HNF1A: variants seen among roughly 807,000 people sequenced by gnomAD.
HNF1A encodes the protein hepatocyte nuclear factor 1-alpha.
HNF1A carries 21 observed loss-of-function variants against 62.2 expected under a neutral mutation model. The observed-to-expected ratio is 0.34, with a 90% confidence interval of 0.24 to 0.49. The LOEUF (loss-of-function observed/expected upper bound fraction) is 0.49. Ranked by LOEUF, HNF1A falls within the 20% of genes least tolerant of loss-of-function variation. The pLI is 0.99. For synonymous variants in HNF1A, 374 were observed against 366.8 expected (o/e 1.02, Z -0.22); for missense variants, 687 against 832.3 (o/e 0.83, Z 2.15).
rs1593060890 is a variant in HNF1A at position 120,996,568 on chromosome 12, CCT to C, written c.1136_1137del (p.Pro379ArgfsTer39). On this transcript the variant is annotated frameshift_variant, in exon 6 of 10. Transcript: ENST00000257555. LOFTEE classifies it high-confidence loss of function. This position sits in a 1 kb window ranked among gnomAD's most constrained non-coding sequence, Gnocchi z 4.5. ...CTCAGCAGCTGGGGGCCCCCTCCCC[CCT>C]GTCAGCACCCTGACAGCACTGCACA... is the stretch of plus-strand genomic sequence containing the variant. ...LVSAAGGPLP[P>X]VSTLTALHSL... 6.2e-7 allele frequency: 1 copy of C among 1,613,928 alleles called. No homozygotes were observed. The highest frequency in any genetic ancestry group is 8.5e-7 in the Non-Finnish European group (1 of 1,179,960).
intron 9 of HNF1A, 58 bp downstream of exon 9, chr12:120,999,685 C>A (rs1440753776): frequency 6.4e-7 from 1 of 1,564,540 alleles, no homozygotes; most frequent in Admixed American, 1.7e-5. Context: ...CCATGTTGGT[C>A]CCACCCCTTC....
At chr12:120,988,234 C>T (rs910444587) in intron 1 of HNF1A, among the ~76,000 whole-genome samples, 1 of 116,224 alleles carries the variant, frequency 8.6e-6, no homozygotes, top group African/African-American at 3.2e-5. Flanking sequence ...TCCATTCATC[C>T]AACCATCCAT....
chr12:120,981,763 T>G (rs1292147759), intron 1 of HNF1A, among the ~76,000 whole-genome samples: 3 of 152,238 alleles, frequency 2.0e-5, no homozygotes, highest in Admixed American at 2.0e-4. Context: ...CTGTCAAGAC[T>G]TGTGATCATC....
chr12:120,987,009 T>C (rs1876543869), intron 1 of HNF1A, among the ~76,000 whole-genome samples: 1 of 152,072 alleles, frequency 6.6e-6, no homozygotes. Context: ...ATCCCTTCTG[T>C]TCCCCCACAG....
intron 1 of HNF1A, among the ~76,000 whole-genome samples, chr12:120,988,422 A>T (rs549876309): frequency 6.6e-6 from 1 of 151,194 alleles, no homozygotes; most frequent in Non-Finnish European, 1.5e-5. Context: ...TCGCCCATCC[A>T]TCCATCCACC....
intron 6 of HNF1A, 152 bp from the exon 7 acceptor site, chr12:120,997,322 G>T: frequency 7.4e-7 from 1 of 1,345,686 alleles, no homozygotes; most frequent in Non-Finnish European, 9.8e-7. Context: ...TTAAATTAGT[G>T]GCAGGTCCCA....
At chr12:121,000,941 CTGT>C (rs1488545246) in intron 9 of HNF1A, 121 bp from the exon 10 acceptor site, 1 of 1,362,678 alleles carries the variant, frequency 7.3e-7, no homozygotes, top group East Asian at 2.3e-5. Flanking sequence ...TTTGGGGTTC[CTGT>C]TATCTGCTGT....
At position 120,993,535 on chromosome 12, in the gene HNF1A, G is replaced by A. The variant is rs773315874; in HGVS notation, c.542G>A (p.Gly181Glu). 1 of 1,613,966 alleles carries A rather than the reference G, an allele frequency of 6.2e-7. No individual in the cohort carries two copies. Among genetic ancestry groups the A allele is most frequent in the African/African-American group, 1.3e-5 (1 of 74,906 alleles). The change falls in exon 3 of 10, where the codon GGG (glycine) becomes GAG (glutamate). Residue 181 changes from glycine (G) to glutamate (E), a missense_variant. This residue lies in a region of HNF1A where 47 missense variants were observed against 52.5 expected (regional missense o/e 0.90). Transcript: ENST00000257555. ...REVAQQFTHA[G>E]QGGLIEEPTG... ...GTGCCTGCAGAGTTCACCCATGCAG[G>A]GCAGGGAGGGCTGATTGAAGAGCCC...
Position 120,996,708 on chromosome 12 carries a change from G to A in HNF1A, c.1275G>A (p.Thr425=), listed in dbSNP as rs145112726. The A allele has an allele frequency of 2.1e-5, 34 of 1,613,984 alleles. No homozygotes were observed. The highest frequency in any genetic ancestry group is 1.2e-4 in the African/African-American group (9 of 74,898). Reference sequence around the variant, plus strand: ...GTGAGCCTGCCTCCCTGGGTCCTACGTTCACCAACACAGGTGCCTCCACCC... The same window carrying A: ...GTGAGCCTGCCTCCCTGGGTCCTACATTCACCAACACAGGTGCCTCCACCC... ...GPGEPASLGP[T]FTNTGASTLV... is the part of the protein sequence containing the mutation. The change falls in exon 6 of 10, where the codon ACG becomes ACA. Residue 425 remains threonine (T), a synonymous_variant. Transcript: ENST00000257555. This position sits in a 1 kb window ranked among gnomAD's most constrained non-coding sequence, Gnocchi z 4.5.
chr12:120,992,385 T>C (rs1876882394), intron 2 of HNF1A, among the ~76,000 whole-genome samples: 1 of 152,228 alleles, frequency 6.6e-6, no homozygotes, highest in Non-Finnish European at 1.5e-5. Flanking sequence ...TACTTGATAA[T>C]GTAAACTTTT....
chr12:120,999,632 G>C lies in HNF1A; in HGVS notation c.1768+5G>C, dbSNP rs760129856. 1.9e-6 allele frequency: 3 copies of C among 1,607,746 alleles called. No individual in the cohort carries two copies. The highest frequency in any genetic ancestry group is 1.7e-6 in the Non-Finnish European group (2 of 1,178,736). Reference sequence around the variant, plus strand: ...GGCTCAGCGCCAGCCCCACAGGTGAGAGGCCCTGGCTCCACCCCCTCCCTT... The same window carrying C: ...GGCTCAGCGCCAGCCCCACAGGTGACAGGCCCTGGCTCCACCCCCTCCCTT... On this transcript the variant is annotated splice_donor_5th_base_variant and intron_variant, in intron 9 of 9. Coordinates refer to ENST00000257555, the MANE Select transcript of HNF1A (RefSeq NM_000545.8).
intron 2 of HNF1A, among the ~76,000 whole-genome samples, chr12:120,990,684 A>AAAGGTAGGAAAGGG (rs1434587053): frequency 1.7e-4 from 26 of 149,878 alleles, no homozygotes; most frequent in Admixed American, 4.7e-4. Flanking sequence ...GAAAGGGAGG[A>AAAGGTAGGAAAGGG]AGGAAGGAAG....
At chr12:120,981,856 A>C (rs761948390) in intron 1 of HNF1A, among the ~76,000 whole-genome samples, 4 of 152,152 alleles carry the variant, frequency 2.6e-5, no homozygotes, top group Non-Finnish European at 4.4e-5. Context: ...TACCACTTGT[A>C]CCCACATCCT....
At chr12:120,990,412 A>C (rs914091862) in intron 2 of HNF1A, among the ~76,000 whole-genome samples, 1 of 152,158 alleles carries the variant, frequency 6.6e-6, no homozygotes, top group Admixed American at 6.5e-5. Context: ...TATAGGCGTG[A>C]GCCACCGCGC....
At chr12:120,986,674 G>C (rs1172144438) in intron 1 of HNF1A, among the ~76,000 whole-genome samples, 1 of 152,180 alleles carries the variant, frequency 6.6e-6, no homozygotes. Flanking sequence ...CTGCCTCCCG[G>C]GTTCAAGCAA....
At position 120,994,277 on chromosome 12, in the gene HNF1A, C is replaced by G. The variant is rs137853245; in HGVS notation, c.827C>G (p.Ala276Gly). The change falls in exon 4 of 10, where the codon GCC becomes GGC. Residue 276 changes from alanine to glycine, a missense_variant. By Grantham distance (60) the Ala-to-Gly change is moderately conservative. Coordinates refer to ENST00000257555, the MANE Select transcript of HNF1A (RefSeq NM_000545.8). Reference sequence around the variant, plus strand: ...TTTGCCAACCGGCGCAAAGAAGAAGCCTTCCGGCACAAGCTGGCCATGGAC... The same window carrying G: ...TTTGCCAACCGGCGCAAAGAAGAAGGCTTCCGGCACAAGCTGGCCATGGAC... ...NWFANRRKEE[A>G]FRHKLAMDTY... 8.7e-6 allele frequency: 14 copies of G among 1,613,406 alleles called. No individual in the cohort carries two copies. Among genetic ancestry groups the G allele is most frequent in the East Asian group, 4.5e-5 (2 of 44,880 alleles).
chr12:120,995,758 C>T (rs989024668), intron 4 of HNF1A, among the ~76,000 whole-genome samples: 4 of 152,056 alleles, frequency 2.6e-5, no homozygotes, highest in Non-Finnish European at 5.9e-5. Context: ...CTATTCCTCC[C>T]CACCCGTCCT....
chr12:120,999,801 G>A (rs1201715075), intron 9 of HNF1A, among the ~76,000 whole-genome samples, 174 bp downstream of exon 9: 5 of 152,168 alleles, frequency 3.3e-5, no homozygotes, highest in African/African-American at 1.2e-4. Context: ...TGAAGCCCAA[G>A]AGGCACAGGC....
At chr12:120,987,214 C>T (rs1353807202) in intron 1 of HNF1A, among the ~76,000 whole-genome samples, 1 of 152,060 alleles carries the variant, frequency 6.6e-6, no homozygotes, top group Non-Finnish European at 1.5e-5. Flanking sequence ...GTGGCTCACG[C>T]CAGTAATCCC....
Sources: gnomAD v4.1 joint callset for allele counts (sites outside exome capture counted in the v4.1 genomes callset) on GRCh38, gnomAD v4.1.1 for gene constraint, gnomAD v4.1.1 regional missense constraint, Gnocchi (gnomAD v3.1) non-coding constraint, MANE v1.5 for transcripts, NCBI Gene and HGNC (gene_info 2026-07-23, HGNC 2026-07-21) for gene names.